The following PLCH1 variants were observed in gnomAD, a reference collection of about 807,000 sequenced individuals.
PLCH1 encodes 1-phosphatidylinositol 4,5-bisphosphate phosphodiesterase eta-1.
In PLCH1, 60 loss-of-function variants were observed where a neutral mutation model predicts 126.7. The observed-to-expected ratio is 0.47, with a 90% CI of 0.38 to 0.59. The LOEUF (loss-of-function observed/expected upper bound fraction) is 0.59. PLCH1 is among the 20% of genes least tolerant of loss of function. PLCH1 has a pLI of 0.00. For synonymous variants in PLCH1, 719 were observed against 734.9 expected, an observed-to-expected ratio of 0.98 and a Z score of 0.35; for missense variants, 1,723 against 2,040.0, an observed-to-expected ratio of 0.84 and a Z score of 2.99.
intron 1 of PLCH1, among the ~76,000 whole-genome samples, chr3:155,740,773 G>A (rs1050384794): frequency 1.3e-5 from 2 of 152,184 alleles, no homozygotes; most frequent in African/African-American, 4.8e-5. Context: ...AAGATCATTA[G>A]AAATCAGTAA....
At chr3:155,735,733 G>T (rs762428658) in intron 1 of PLCH1, among the ~76,000 whole-genome samples, 1 of 151,800 alleles carries the variant, frequency 6.6e-6, no homozygotes, top group Non-Finnish European at 1.5e-5. Context: ...AAATTAGCTC[G>T]ATTTACCCAT....
At chr3:155,679,939 T>G (rs1744378569) in intron 2 of PLCH1, among the ~76,000 whole-genome samples, 1 of 152,166 alleles carries the variant, frequency 6.6e-6, no homozygotes, top group African/African-American at 2.4e-5. Flanking sequence ...GCTCTGTGCT[T>G]TAGGTCCTGG....
At chr3:155,685,271 G>A (rs769608587) in intron 2 of PLCH1, among the ~76,000 whole-genome samples, 12 of 152,218 alleles carry the variant, frequency 7.9e-5, no homozygotes, top group Admixed American at 1.3e-4. Flanking sequence ...GGTAAGTGAG[G>A]GGATGATGGC....
Position 155,488,088 on chromosome 3 carries a change from CA to C in PLCH1, c.2558del (p.Leu853TrpfsTer4), listed in dbSNP as rs773377393. On this transcript the variant is annotated frameshift_variant, in exon 21 of 23. Coordinates refer to ENST00000460012, the MANE Select transcript of PLCH1 (RefSeq NM_014996.4). LOFTEE classifies it high-confidence loss of function. Reference protein sequence around the residue: ...SLVPGYRHVYLEGLTEASIFV... With the variant: ...SLVPGYRHVYXEGLTEASIFV... Reference sequence around the variant, plus strand: ...ATATGGATGCTTCTGTCAGTCCTTCCAAATAGACATGCCGGTAGCCTGATAA... The same window carrying C: ...ATATGGATGCTTCTGTCAGTCCTTCCAATAGACATGCCGGTAGCCTGATAA... The C allele has an allele frequency of 6.2e-7, 1 of 1,607,034 alleles. No homozygotes were observed. The highest frequency in any genetic ancestry group is 8.5e-7 in the Non-Finnish European group (1 of 1,173,572).
At chr3:155,505,892 C>CT (rs761646376) in intron 12 of PLCH1, among the ~76,000 whole-genome samples, 308 of 120,964 alleles carry the variant, frequency 2.5e-3, no homozygotes, top group South Asian at 3.9e-3. Flanking sequence ...TCTTGGTCCG[C>CT]TTTTTTTTTT....
intron 2 of PLCH1, among the ~76,000 whole-genome samples, chr3:155,659,299 C>CTTTTTTTTT (rs1559906914): frequency 3.6e-5 from 2 of 55,448 alleles, no homozygotes; most frequent in African/African-American, 1.2e-4. Context: ...TGTCTATTCA[C>CTTTTTTTTT]TTCTTTTTTT....
chr3:155,686,628 C>T (rs358905), intron 2 of PLCH1, among the ~76,000 whole-genome samples: 30,702 of 152,134 alleles, frequency 0.2, 3,481 homozygotes, highest in East Asian at 0.45. Flanking sequence ...CAGCCCATCA[C>T]TGAACCTTTC....
chr3:155,603,201 T>C (rs1197533725), intron 2 of PLCH1, among the ~76,000 whole-genome samples: 1 of 152,162 alleles, frequency 6.6e-6, no homozygotes, highest in Non-Finnish European at 1.5e-5. Flanking sequence ...AGTAAAAAGG[T>C]ACATAAAAAA....
intron 2 of PLCH1, among the ~76,000 whole-genome samples, chr3:155,690,619 A>T: frequency 6.6e-6 from 1 of 151,922 alleles, no homozygotes; most frequent in South Asian, 2.1e-4. Context: ...CTCCTTGGGA[A>T]TCTGAGTATC....
chr3:155,553,274 C>A (rs1726376575), intron 9 of PLCH1, among the ~76,000 whole-genome samples: 1 of 152,084 alleles, frequency 6.6e-6, no homozygotes, highest in African/African-American at 2.4e-5. Context: ...ACCACTACAT[C>A]CACCTAATAC....
intron 2 of PLCH1, among the ~76,000 whole-genome samples, chr3:155,685,299 C>T (rs1295180079): frequency 6.6e-6 from 1 of 152,186 alleles, no homozygotes; most frequent in East Asian, 1.9e-4. Flanking sequence ...CTTTTCTCTA[C>T]AAATCAGGGA....
At chr3:155,621,883 C>G (rs1203673009) in intron 2 of PLCH1, among the ~76,000 whole-genome samples, 1 of 152,134 alleles carries the variant, frequency 6.6e-6, no homozygotes, top group Non-Finnish European at 1.5e-5. Flanking sequence ...CAAGACAGGC[C>G]AGCATTCAAA....
chr3:155,692,006 G>A (rs189339230), intron 2 of PLCH1, among the ~76,000 whole-genome samples: 1 of 151,276 alleles, frequency 6.6e-6, no homozygotes, highest in Non-Finnish European at 1.5e-5. Context: ...ACTCCAACCT[G>A]GCAACAGAGC....
At chr3:155,604,216 A>G (rs963276717) in intron 2 of PLCH1, among the ~76,000 whole-genome samples, 3 of 152,160 alleles carry the variant, frequency 2.0e-5, no homozygotes, top group Admixed American at 6.5e-5. Flanking sequence ...TGCTCTTCAC[A>G]GCAAATGGCT....
chr3:155,655,430 AG>A (rs373265856), intron 2 of PLCH1, among the ~76,000 whole-genome samples: 23 of 100,604 alleles, frequency 2.3e-4, no homozygotes, highest in East Asian at 1.3e-3. Context: ...GAAACTTGTG[AG>A]AAAAAAAAAA....
chr3:155,689,961 G>C (rs1174482515), intron 2 of PLCH1, among the ~76,000 whole-genome samples: 1 of 149,208 alleles, frequency 6.7e-6, no homozygotes, highest in African/African-American at 2.5e-5. Context: ...ACCCAAATAA[G>C]ACTATCTCAA....
chr3:155,499,249 C>T (rs1576834631), intron 14 of PLCH1, among the ~76,000 whole-genome samples: 1 of 151,950 alleles, frequency 6.6e-6, no homozygotes, highest in African/African-American at 2.4e-5. Flanking sequence ...TAGATGTTCC[C>T]CTATAGGAGA....
chr3:155,455,232 A>G (rs1429336876), intron 21 of PLCH1, among the ~76,000 whole-genome samples: 1 of 152,198 alleles, frequency 6.6e-6, no homozygotes, highest in African/African-American at 2.4e-5. Context: ...GGGATGCAGA[A>G]GCCACAACCC....
At chr3:155,625,977 C>A (rs1737190976) in intron 2 of PLCH1, among the ~76,000 whole-genome samples, 1 of 152,132 alleles carries the variant, frequency 6.6e-6, no homozygotes, top group Non-Finnish European at 1.5e-5. Context: ...GGAACCAACC[C>A]AAATGCCCAT....
Sources: allele counts gnomAD v4.1 joint callset (sites outside exome capture counted in the v4.1 genomes callset), GRCh38; gene constraint gnomAD v4.1.1; transcripts MANE v1.5; gene names NCBI Gene and HGNC (gene_info 2026-07-23, HGNC 2026-07-21).